Variants in TMEM204 observed in about 807,000 individuals in gnomAD.
TMEM204 encodes transmembrane protein 204.
In TMEM204, 15 loss-of-function variants were observed where a neutral mutation model predicts 19.4. The ratio of observed to expected loss-of-function variants is 0.77; its 90% CI spans 0.52 to 1.19. TMEM204 has a LOEUF of 1.19. TMEM204 is among the 50% of genes most tolerant of loss of function. TMEM204 has a pLI of 0.00. For synonymous variants in TMEM204, 161 were observed against 146.0 expected, an observed-to-expected ratio of 1.10 and a Z score of -0.74; for missense variants, 287 against 321.2, an observed-to-expected ratio of 0.89 and a Z score of 0.81.
Position 1,534,322 on chromosome 16 carries a change from T to G in TMEM204, c.47T>G (p.Val16Gly). The G allele has an allele frequency of 6.2e-7, 1 of 1,612,718 alleles. No individual in the cohort carries two copies. The highest frequency in any genetic ancestry group is 1.1e-5 in the South Asian group (1 of 91,082). Residue 16 changes from valine (V) to glycine (G), a missense_variant, in exon 1 of 3, where the codon GTC becomes GGC. Transcript: ENST00000566264. Reference protein sequence around the residue: ...LVAAAVLVALVSLILNNVAAF... With the variant: ...LVAAAVLVALGSLILNNVAAF... ...GCCGCGGCCGTGCTGGTGGCCCTGG[T>G]CTCACTCATCCTCAACAACGTGGCG...
chr16:1,529,755 C>T (rs565324767), upstream of TMEM204, among the ~76,000 whole-genome samples: 113 of 152,314 alleles, frequency 7.4e-4, no homozygotes, highest in Non-Finnish European at 1.4e-3. Context: ...AGGACCCATG[C>T]GTGTAAAACT....
intron 1 of TMEM204, among the ~76,000 whole-genome samples, chr16:1,539,539 C>T (rs993168994): frequency 6.6e-6 from 1 of 152,274 alleles, no homozygotes; most frequent in African/African-American, 2.4e-5. Context: ...GTACGGGAAC[C>T]CCTTGGCCAC....
rs140231681 is a variant in TMEM204 at position 1,548,215 on chromosome 16, G to A, written c.436+6139G>A. Among the ~76,000 whole-genome samples, 912 of 152,336 alleles carry A rather than the reference G, an allele frequency of 6.0e-3. 7 individuals carry two copies. Among genetic ancestry groups the A allele is most frequent in the Middle Eastern group, 0.034 (10 of 294 alleles). On this transcript the variant is annotated intron_variant, in intron 2 of 2. Coordinates refer to ENST00000566264, the MANE Select transcript of TMEM204 (RefSeq NM_024600.6). ...AGGTGGCCAGGGGGCCGTCTGCTCCGCATAGATTCTCTTTAGAGCCAGTTG... is the reference window on the plus strand; with the variant it reads ...AGGTGGCCAGGGGGCCGTCTGCTCCACATAGATTCTCTTTAGAGCCAGTTG...
intron 2 of TMEM204, among the ~76,000 whole-genome samples, chr16:1,552,049 C>A (rs976838727): frequency 4.6e-5 from 7 of 152,160 alleles, no homozygotes; most frequent in Non-Finnish European, 1.0e-4. Context: ...GGGAGGTTGA[C>A]CCTGGAAGCC....
intron 1 of TMEM204, among the ~76,000 whole-genome samples, chr16:1,538,125 G>C (rs972623894): frequency 1.3e-5 from 2 of 152,208 alleles, no homozygotes; most frequent in African/African-American, 4.8e-5. Flanking sequence ...GGGGCAGGCG[G>C]GAGCGTGGCT....
At chr16:1,535,604 A>G (rs764236311) in intron 1 of TMEM204, among the ~76,000 whole-genome samples, 81 of 152,154 alleles carry the variant, frequency 5.3e-4, no homozygotes, top group Non-Finnish European at 1.1e-3. Context: ...CCTCAACCAC[A>G]CAGCTCCATC....
chr16:1,541,790 C>A (rs780165207), intron 1 of TMEM204, 131 bp from the exon 2 acceptor site: 30 of 1,135,456 alleles, frequency 2.6e-5, no homozygotes, highest in Non-Finnish European at 3.4e-5. Context: ...GAAGCCACTG[C>A]CCAATGGAGG....
Position 1,553,729 on chromosome 16 carries a change from A to C in TMEM204, c.437-1053A>C. On this transcript the variant is annotated intron_variant, in intron 2 of 2. Transcript: ENST00000566264. The surrounding 1 kb of genome is among the most constrained non-coding windows in gnomAD (Gnocchi z 4.4). Reference sequence around the variant, plus strand: ...GGCCTCCAGGACAATCTGTGGCCACATCCCCATGGCTGTAGGGGATGAGGA... The same window carrying C: ...GGCCTCCAGGACAATCTGTGGCCACCTCCCCATGGCTGTAGGGGATGAGGA... 2 of 1,125,306 alleles carry C rather than the reference A, an allele frequency of 1.8e-6. No homozygotes were observed. Among genetic ancestry groups the C allele is most frequent in the Non-Finnish European group, 2.2e-6 (2 of 906,730 alleles). The allele number at this position is 1,125,306 out of a possible 1,614,324, so 69.7% of individuals were successfully genotyped here.
At chr16:1,545,004 A>T (rs1185221516) in intron 2 of TMEM204, among the ~76,000 whole-genome samples, 1 of 152,216 alleles carries the variant, frequency 6.6e-6, no homozygotes, top group African/African-American at 2.4e-5. Flanking sequence ...AATTATTAGG[A>T]CTACTGTGGA....
intron 2 of TMEM204, among the ~76,000 whole-genome samples, chr16:1,548,952 C>T (rs993574410): frequency 6.6e-6 from 1 of 152,248 alleles, no homozygotes; most frequent in African/African-American, 2.4e-5. Context: ...CATCTGTTCA[C>T]GACGTGAACC....
intron 1 of TMEM204, among the ~76,000 whole-genome samples, chr16:1,537,809 C>A (rs766523066): frequency 3.9e-5 from 6 of 152,190 alleles, no homozygotes; most frequent in Non-Finnish European, 8.8e-5. Context: ...CAGAGCCTGG[C>A]GCTAGCTGAG....
At chr16:1,549,959 T>G (rs572058211) in intron 2 of TMEM204, among the ~76,000 whole-genome samples, 2 of 152,308 alleles carry the variant, frequency 1.3e-5, no homozygotes, top group African/African-American at 4.8e-5. Flanking sequence ...ATCTACATTC[T>G]GAGTCTTTTT....
intron 1 of TMEM204, among the ~76,000 whole-genome samples, chr16:1,539,281 C>T (rs1435468669): frequency 6.6e-6 from 1 of 151,794 alleles, no homozygotes; most frequent in African/African-American, 2.4e-5. Context: ...TTGGGCCTCA[C>T]CAAGCCGCAC....
chr16:1,535,397 T>G (rs1007098901), intron 1 of TMEM204, among the ~76,000 whole-genome samples: 1 of 151,902 alleles, frequency 6.6e-6, no homozygotes, highest in African/African-American at 2.4e-5. Flanking sequence ...GGACACAAGG[T>G]CTCCCAAAGG....
At position 1,534,541 on chromosome 16, in the gene TMEM204, G is replaced by C. The variant is rs780085186; in HGVS notation, c.266G>C (p.Arg89Pro). 1.2e-6 allele frequency: 2 copies of C among 1,604,238 alleles called. No homozygotes were observed. The highest frequency in any genetic ancestry group is 1.7e-6 in the Non-Finnish European group (2 of 1,179,814). The change falls in exon 1 of 3, where the codon CGA (arginine) becomes CCA (proline). Residue 89 changes from arginine to proline, a missense_variant. Transcript: ENST00000566264. ...GSEAAGFQES[R>P]GTVKLQFDMM... ...GAGGCAGCCGGCTTCCAGGAGTCCC[G>C]AGGCACCGTCAAACGTAAGTCCAAT...
chr16:1,550,068 G>A (rs1371362234), intron 2 of TMEM204, among the ~76,000 whole-genome samples: 1 of 152,096 alleles, frequency 6.6e-6, no homozygotes, highest in African/African-American at 2.4e-5. Context: ...CTCCTGAATA[G>A]CTGAGGCTAC....
chr16:1,543,432 G>A (rs547793193), intron 2 of TMEM204, among the ~76,000 whole-genome samples: 40 of 152,326 alleles, frequency 2.6e-4, no homozygotes, highest in African/African-American at 8.2e-4. Context: ...ATAGCATGGC[G>A]TGGCCCTGGG....
At chr16:1,537,133 G>T (rs1455592256) in intron 1 of TMEM204, among the ~76,000 whole-genome samples, 1 of 152,230 alleles carries the variant, frequency 6.6e-6, no homozygotes, top group Non-Finnish European at 1.5e-5. Flanking sequence ...GCTGGGTGCT[G>T]GTTTGCTCAC....
In TMEM204 at chr16:1,551,047, C is replaced by G. The variant is rs1005752740; in HGVS notation, c.437-3735C>G. On this transcript the variant is annotated intron_variant, in intron 2 of 2. Coordinates refer to ENST00000566264, the MANE Select transcript of TMEM204 (RefSeq NM_024600.6). This position sits in a 1 kb window ranked among gnomAD's most constrained non-coding sequence, Gnocchi z 4.0. ...CTCTGTCCCTTTGAGGGGTCCTGGT[C>G]ACTCAACTGCCAAGGCTGCTGTTCC... Among the ~76,000 whole-genome samples the G allele has an allele frequency of 8.5e-5, 13 of 152,218 alleles. No homozygotes were observed. Among genetic ancestry groups the G allele is most frequent in the African/African-American group, 2.9e-4 (12 of 41,444 alleles).
Sources: gnomAD v4.1 joint callset for allele counts (sites outside exome capture counted in the v4.1 genomes callset) on GRCh38, gnomAD v4.1.1 for gene constraint, Gnocchi (gnomAD v3.1) non-coding constraint, MANE v1.5 for transcripts, NCBI Gene and HGNC (gene_info 2026-07-23, HGNC 2026-07-21) for gene names.